The following MOB3B variants were observed in gnomAD, a reference collection of about 807,000 sequenced individuals.
MOB3B encodes MOB kinase activator-like 2B.
In MOB3B, 7 loss-of-function variants were observed where a neutral mutation model predicts 18.7. The ratio of observed to expected loss-of-function variants is 0.37; its 90% CI spans 0.21 to 0.70. The LOEUF (loss-of-function observed/expected upper bound fraction) is 0.70, where lower values mean the gene tolerates loss of function less well. Ranked by LOEUF, MOB3B falls within the 30% of genes least tolerant of loss-of-function variation. MOB3B has a pLI of 0.52. For synonymous variants in MOB3B, 111 were observed against 99.9 expected, an observed-to-expected ratio of 1.11 and a Z score of -0.66; for missense variants, 253 against 281.3, an observed-to-expected ratio of 0.90 and a Z score of 0.72.
chr9:27,371,012 C>T (rs892991059), intron 2 of MOB3B, among the ~76,000 whole-genome samples: 2 of 152,190 alleles, frequency 1.3e-5, no homozygotes, highest in African/African-American at 4.8e-5. Context: ...AGAAACGCAT[C>T]TATCAGATTT....
chr9:27,490,603 C>A (rs964864594), intron 1 of MOB3B, among the ~76,000 whole-genome samples: 4 of 152,098 alleles, frequency 2.6e-5, no homozygotes, highest in African/African-American at 7.2e-5. Context: ...CACCTGTTCT[C>A]TTGGGGAGGA....
intron 3 of MOB3B, among the ~76,000 whole-genome samples, chr9:27,352,216 AC>A (rs1305965299): frequency 6.6e-5 from 10 of 152,062 alleles, no homozygotes; most frequent in African/African-American, 2.4e-4. Flanking sequence ...CCCTGTCTCT[AC>A]AAAAAATTTA....
At chr9:27,361,714 G>A (rs1410089787) in intron 2 of MOB3B, among the ~76,000 whole-genome samples, 1 of 152,244 alleles carries the variant, frequency 6.6e-6, no homozygotes, top group Non-Finnish European at 1.5e-5. Flanking sequence ...GGACAATTAA[G>A]TAGCTGCCCA....
intron 2 of MOB3B, among the ~76,000 whole-genome samples, chr9:27,406,507 T>A (rs1821980269): frequency 6.6e-6 from 1 of 152,070 alleles, no homozygotes; most frequent in Non-Finnish European, 1.5e-5. Flanking sequence ...GCTACAGTAA[T>A]TAAAACAGCA....
Position 27,366,633 on chromosome 9 carries a change from A to T in MOB3B, c.419-7397T>A, listed in dbSNP as rs78520953. On this transcript the variant is annotated intron_variant, in intron 2 of 3. Transcript: ENST00000262244. ...GGATGTGTGTTCTGAGCTGGCTGTTAATCATTCCTGTTTTCATCATTTTCC... is the reference window on the plus strand; with the variant it reads ...GGATGTGTGTTCTGAGCTGGCTGTTTATCATTCCTGTTTTCATCATTTTCC... Among the ~76,000 whole-genome samples the T allele has an allele frequency of 1.4e-3, 214 of 152,262 alleles. 1 individual carries two copies. Among genetic ancestry groups the T allele is most frequent in the African/African-American group, 4.9e-3 (204 of 41,550 alleles).
chr9:27,435,013 G>C (rs566519391), intron 2 of MOB3B, among the ~76,000 whole-genome samples: 1 of 151,284 alleles, frequency 6.6e-6, no homozygotes, highest in Non-Finnish European at 1.5e-5. Flanking sequence ...TAAGAGAAAT[G>C]TACATCTAAA....
intron 1 of MOB3B, among the ~76,000 whole-genome samples, chr9:27,483,609 A>G (rs1819695356): frequency 1.3e-5 from 2 of 152,238 alleles, no homozygotes; most frequent in Admixed American, 6.5e-5. Context: ...AAATTGAATG[A>G]CATACTTACA....
intron 1 of MOB3B, among the ~76,000 whole-genome samples, chr9:27,509,980 C>T (rs1043603946): frequency 2.6e-5 from 4 of 152,222 alleles, no homozygotes; most frequent in African/African-American, 4.8e-5. Context: ...CCACCTCGCT[C>T]TCCTAAAGTG....
intron 3 of MOB3B, among the ~76,000 whole-genome samples, chr9:27,351,344 T>G (rs949382827): frequency 1.9e-5 from 1 of 51,876 alleles, no homozygotes; most frequent in Admixed American, 1.7e-4. Flanking sequence ...ATCAGTAATC[T>G]CTGTAGGTCA....
chr9:27,358,866 C>A, intron 3 of MOB3B, 168 bp downstream of exon 3: 1 of 785,336 alleles, frequency 1.3e-6, no homozygotes, highest in Non-Finnish European at 2.3e-6. Context: ...CAGTGGACAT[C>A]TTGGCATCTC....
At position 27,327,802 on chromosome 9, in the gene MOB3B, G is replaced by A. The variant is rs559690592; in HGVS notation, c.*2785C>T. 2.0e-5 allele frequency: 3 copies of A among 152,268 alleles called. No homozygotes were observed. The highest frequency in any genetic ancestry group is 2.1e-4 in the South Asian group (1 of 4,830). 9.4% of individuals were successfully genotyped at this position (152,268 alleles called of 1,614,324 possible). ...AGTATCAGTGTTCAGTTTCATGGGC[G>A]TGAAAATATTGCAGATTTATAGGAC... On this transcript the variant is annotated 3_prime_UTR_variant, in exon 4 of 4. Coordinates refer to ENST00000262244, the MANE Select transcript of MOB3B (RefSeq NM_024761.5).
Position 27,453,755 on chromosome 9 carries a change from A to G in MOB3B, c.418+1378T>C, listed in dbSNP as rs1314019241. Reference sequence around the variant, plus strand: ...ATTTATTTATCTTTATTGCTATTACATGTTCAGCATAGAGCACTGGCAGTT... The same window carrying G: ...ATTTATTTATCTTTATTGCTATTACGTGTTCAGCATAGAGCACTGGCAGTT... On this transcript the variant is annotated intron_variant, in intron 2 of 3. Transcript: ENST00000262244. Among the ~76,000 whole-genome samples the G allele has an allele frequency of 2.6e-5, 4 of 152,166 alleles. No homozygotes were observed. In the East Asian group the frequency reaches 7.7e-4, roughly 29 times the overall value.
rs1470235319 is a variant in MOB3B, at chr9:27,326,175, C to A, written c.*4412G>T. 2 of 310,896 alleles carry A rather than the reference C, an allele frequency of 6.4e-6. No individual in the cohort carries two copies. Among genetic ancestry groups the A allele is most frequent in the Admixed American group, 5.0e-5 (1 of 20,048 alleles). 19.3% of individuals were successfully genotyped at this position (310,896 alleles called of 1,614,324 possible). On this transcript the variant is annotated 3_prime_UTR_variant, in exon 4 of 4. Transcript: ENST00000262244. ...GTTTGGAGAAGGCATGAAATAAGTT[C>A]TTTTCATGTTCACTGCTGGTCACAG...
chr9:27,368,343 CACACATACAT>C (rs1821367036), intron 2 of MOB3B, among the ~76,000 whole-genome samples: 1 of 136,916 alleles, frequency 7.3e-6, no homozygotes, highest in South Asian at 2.5e-4. Flanking sequence ...TATATATACA[CACACATACAT>C]ACACACACAC....
At chr9:27,425,754 G>A (rs951514399) in intron 2 of MOB3B, among the ~76,000 whole-genome samples, 5 of 152,100 alleles carry the variant, frequency 3.3e-5, no homozygotes, top group Non-Finnish European at 7.4e-5. Flanking sequence ...TCATTAGAAG[G>A]CATGAGGCTC....
chr9:27,333,188 A>G (rs545509794), intron 3 of MOB3B, among the ~76,000 whole-genome samples: 4 of 152,168 alleles, frequency 2.6e-5, no homozygotes, highest in African/African-American at 7.2e-5. Context: ...GCAGGATAAA[A>G]ACTGTTTCCT....
rs373218305 is a variant in MOB3B at position 27,455,413 on chromosome 9, C to T, written c.138G>A (p.Ala46=). Residue 46 remains alanine (A), a synonymous_variant, in exon 2 of 4, where the codon GCG becomes GCA. Coordinates refer to ENST00000262244, the MANE Select transcript of MOB3B (RefSeq NM_024761.5). The part of the protein sequence containing the change: ...ASLNSGVDLK[A]AVQLPSGEDQ... ...CCTCCCCACTGGGCAACTGCACAGC[C>T]GCCTTCAGGTCCACACCCGAGTTGA... The T allele has an allele frequency of 4.5e-5, 72 of 1,614,116 alleles. No homozygotes were observed. Among genetic ancestry groups the T allele is most frequent in the South Asian group, 7.7e-5 (7 of 91,092 alleles).
intron 2 of MOB3B, among the ~76,000 whole-genome samples, chr9:27,406,376 A>AG (rs781273378): frequency 4.5e-4 from 69 of 152,338 alleles, no homozygotes; most frequent in Non-Finnish European, 8.2e-4. Context: ...TCATAGAAAA[A>AG]GAAAAAAATA....
intron 1 of MOB3B, among the ~76,000 whole-genome samples, chr9:27,522,573 C>CAT (rs1026470566): frequency 5.3e-5 from 8 of 151,694 alleles, no homozygotes; most frequent in African/African-American, 1.9e-4. Flanking sequence ...TTAGTGCTTA[C>CAT]ATATATGTTT....
Sources: gnomAD v4.1 joint callset for allele counts (sites outside exome capture counted in the v4.1 genomes callset) on GRCh38, gnomAD v4.1.1 for gene constraint, MANE v1.5 for transcripts, NCBI Gene and HGNC (gene_info 2026-07-23, HGNC 2026-07-21) for gene names.